The following INTS4 variants were observed in gnomAD, a reference collection of about 807,000 sequenced individuals.
The protein encoded by INTS4 is integrator complex subunit 4.
Under a neutral mutation model 119.5 loss-of-function variants are expected in INTS4, and 70 were observed. That is an observed-to-expected ratio of 0.59 (90% confidence interval 0.48 to 0.71). The LOEUF is 0.71. Among genes scored for constraint, INTS4 ranks in the 30% least tolerant of loss-of-function variants. INTS4 has a pLI of 0.00. For synonymous variants in INTS4, 316 were observed against 419.6 expected (o/e 0.75, Z 3.02); for missense variants, 867 against 1,173.2 (o/e 0.74, Z 3.81).
At chr11:77,970,208 C>A (rs956878051) in intron 4 of INTS4, among the ~76,000 whole-genome samples, 20 of 151,576 alleles carry the variant, frequency 1.3e-4, no homozygotes, top group African/African-American at 3.4e-4. Context: ...ACCAGGCTGG[C>A]CAACATGGTG....
At chr11:77,902,285 C>T (rs1404949397) in intron 17 of INTS4, among the ~76,000 whole-genome samples, 1 of 152,040 alleles carries the variant, frequency 6.6e-6, no homozygotes, top group East Asian at 1.9e-4. Flanking sequence ...ATGGAGCATG[C>T]AATGTGTTTA....
intron 15 of INTS4, chr11:77,918,416 CAAAAAAA>C (rs34005455): frequency 2.2e-4 from 13 of 58,512 alleles, no homozygotes; most frequent in African/African-American, 6.7e-4. Flanking sequence ...GACCCTGTCT[CAAAAAAA>C]AAAAAAAAAA....
chr11:77,881,915 T>G (rs1951808769), intron 22 of INTS4, among the ~76,000 whole-genome samples: 1 of 151,950 alleles, frequency 6.6e-6, no homozygotes, highest in Admixed American at 6.6e-5. Context: ...CTGATGGTTT[T>G]TTTTTTTTTC....
At position 77,903,536 on chromosome 11, in the gene INTS4, T is replaced by A. The variant is rs764849994; in HGVS notation, c.2097+4A>T. The A allele has an allele frequency of 1.9e-6, 3 of 1,613,464 alleles. No individual in the cohort carries two copies. The highest frequency in any genetic ancestry group is 2.5e-6 in the Non-Finnish European group (3 of 1,179,622). ...ATTTGAAGGGAAGGTCTGAATAAGC[T>A]TACCTGTTTCGCTGCTGCTGAGGCC... is the stretch of plus-strand genomic sequence containing the variant. On this transcript the variant is annotated splice_donor_region_variant and intron_variant, in intron 17 of 22. Coordinates refer to ENST00000534064, the MANE Select transcript of INTS4 (RefSeq NM_033547.4).
At chr11:77,889,004 G>T (rs1390185779) in intron 21 of INTS4, among the ~76,000 whole-genome samples, 2 of 152,192 alleles carry the variant, frequency 1.3e-5, no homozygotes, top group African/African-American at 4.8e-5. Flanking sequence ...AACCATTGTG[G>T]ATGTCAGTGT....
rs1376471225 is a variant in INTS4, at chr11:77,978,593, T to A, written c.471+403A>T. On this transcript the variant is annotated intron_variant, in intron 4 of 22. Transcript: ENST00000534064. ...AAGGCATAATAAAAACAAAACAAGTTTGGGGTCAGAAAAAATACAGTTTAT... is the reference window on the plus strand; with the variant it reads ...AAGGCATAATAAAAACAAAACAAGTATGGGGTCAGAAAAAATACAGTTTAT... 4 of 152,820 alleles carry A rather than the reference T, an allele frequency of 2.6e-5. No individual in the cohort carries two copies. The East Asian group carries it at 7.7e-4, about 29-fold the overall frequency. The allele number at this position is 152,820 out of a possible 1,614,324, so 9.5% of individuals were successfully genotyped here. A position where few individuals can be genotyped will look rare whatever the true frequency, so the allele number is the denominator to read the frequency against.
At chr11:77,980,067 T>C (rs994739788) in intron 3 of INTS4, among the ~76,000 whole-genome samples, 1 of 151,472 alleles carries the variant, frequency 6.6e-6, no homozygotes, top group Admixed American at 6.6e-5. Context: ...AGGCATATAA[T>C]ACATACATAC....
chr11:77,958,924 T>G, intron 6 of INTS4, 90 bp from the exon 7 acceptor site: 1 of 830,456 alleles, frequency 1.2e-6, no homozygotes, highest in Non-Finnish European at 2.0e-6. Flanking sequence ...GGTGGTTGGA[T>G]AAGGATGCCC....
At chr11:77,967,334 C>A (rs1855547777) in intron 4 of INTS4, among the ~76,000 whole-genome samples, 1 of 152,076 alleles carries the variant, frequency 6.6e-6, no homozygotes, top group Non-Finnish European at 1.5e-5. Flanking sequence ...AGGCCATATG[C>A]CCACACAGCC....
At chr11:77,933,814 T>TG (rs1241171330) in intron 10 of INTS4, among the ~76,000 whole-genome samples, 5 of 148,738 alleles carry the variant, frequency 3.4e-5, no homozygotes, top group East Asian at 2.0e-4. Flanking sequence ...GTCCGGGAGG[T>TG]GGGGGGCGCC....
downstream of INTS4, among the ~76,000 whole-genome samples, chr11:77,878,306 A>G (rs182738893): frequency 1.8e-3 from 274 of 151,870 alleles, 1 homozygote; most frequent in African/African-American, 5.0e-3. Context: ...AGGTTGCAGT[A>G]AGCCAAGATC....
intron 4 of INTS4, 111 bp from the exon 5 acceptor site, chr11:77,961,249 G>C: frequency 7.4e-7 from 1 of 1,349,734 alleles, no homozygotes; most frequent in Non-Finnish European, 9.6e-7. Context: ...AGCAACCTTA[G>C]GGGTGATTTC....
intron 3 of INTS4, among the ~76,000 whole-genome samples, chr11:77,980,305 A>T (rs550293054): frequency 2.3e-4 from 35 of 152,342 alleles, no homozygotes; most frequent in Non-Finnish European, 4.4e-4. Context: ...AGCTACCATA[A>T]GAATTTTCCA....
Position 77,974,196 on chromosome 11 carries a change from TTAAC to T in INTS4, c.471+4796_471+4799del, listed in dbSNP as rs150376688. ...TTTGTCTTTCTAATAATTTGTCCAC[TTAAC>T]TAAGTTATCTAATTTATTGGTATAT... is the stretch of plus-strand genomic sequence containing the variant. On this transcript the variant is annotated intron_variant, in intron 4 of 22. Coordinates refer to ENST00000534064, the MANE Select transcript of INTS4 (RefSeq NM_033547.4). 5.9e-3 allele frequency among the ~76,000 whole-genome samples: 892 copies of T among 151,774 alleles called. 4 individuals carry two copies. The highest frequency in any genetic ancestry group is 0.02 in the African/African-American group (845 of 41,424).
chr11:77,879,473 T>C (rs1951708524), intron 22 of INTS4, among the ~76,000 whole-genome samples: 1 of 152,196 alleles, frequency 6.6e-6, no homozygotes, highest in Non-Finnish European at 1.5e-5. Flanking sequence ...AAGGTGCATG[T>C]GGCTTATTCT....
chr11:77,941,337 G>A, intron 8 of INTS4, 86 bp from the exon 9 acceptor site: 1 of 1,485,902 alleles, frequency 6.7e-7, no homozygotes, highest in East Asian at 2.4e-5. Flanking sequence ...GACAATTTAA[G>A]TGCATAAAGA....
chr11:77,939,049 T>C (rs1435336219), intron 9 of INTS4, among the ~76,000 whole-genome samples: 1 of 152,160 alleles, frequency 6.6e-6, no homozygotes, highest in Non-Finnish European at 1.5e-5. Context: ...AGGATAAAGA[T>C]AGCTGAAGAA....
chr11:77,907,934 C>A, intron 15 of INTS4, 124 bp from the exon 16 acceptor site: 1 of 614,410 alleles, frequency 1.6e-6, no homozygotes, highest in Non-Finnish European at 2.8e-6. Flanking sequence ...TAAATGACGA[C>A]ACTGAATGCT....
At chr11:77,957,064 A>G in intron 7 of INTS4, among the ~76,000 whole-genome samples, 1 of 152,034 alleles carries the variant, frequency 6.6e-6, no homozygotes, top group Non-Finnish European at 1.5e-5. Flanking sequence ...CCTCCTGAGT[A>G]GCCGGGACTA....
Sources: gnomAD v4.1 joint callset for allele counts (sites outside exome capture counted in the v4.1 genomes callset) on GRCh38, gnomAD v4.1.1 for gene constraint, MANE v1.5 for transcripts, NCBI Gene and HGNC (gene_info 2026-07-23, HGNC 2026-07-21) for gene names.